APAF1: variants seen among roughly 807,000 people sequenced by gnomAD.
APAF1 encodes apoptotic peptidase activating factor 1, also known as apoptotic protease-activating factor 1.
A neutral mutation model predicts 152.4 loss-of-function variants in APAF1; 91 were observed. The ratio of observed to expected loss-of-function variants is 0.60; its 90% CI spans 0.50 to 0.71. The LOEUF (loss-of-function observed/expected upper bound fraction) is 0.71, where lower values mean the gene tolerates loss of function less well. Among genes scored for constraint, APAF1 ranks in the 30% least tolerant of loss-of-function variants. The pLI is 0.00. For synonymous variants in APAF1, 484 were observed against 494.1 expected, an observed-to-expected ratio of 0.98 and a Z score of 0.27; for missense variants, 1,283 against 1,472.0, an observed-to-expected ratio of 0.87 and a Z score of 2.10.
chr12:98,723,561 C>G (rs935758942), intron 23 of APAF1, 78 bp from the exon 24 acceptor site: 2 of 1,359,200 alleles, frequency 1.5e-6, no homozygotes, highest in African/African-American at 3.0e-5. Context: ...ATAGACCTGT[C>G]TTGTAGCTGA....
chr12:98,685,361 G>T (rs2097696891), intron 15 of APAF1, among the ~76,000 whole-genome samples: 1 of 149,198 alleles, frequency 6.7e-6, no homozygotes, highest in African/African-American at 2.5e-5. Flanking sequence ...TTTTGAGATG[G>T]CATCTTGCTC....
intron 18 of APAF1, 93 bp from the exon 19 acceptor site, chr12:98,706,392 G>A: frequency 8.4e-7 from 1 of 1,186,166 alleles, no homozygotes; most frequent in South Asian, 1.2e-5. Context: ...CATTGAAGTG[G>A]TATTGCTGGC....
intron 21 of APAF1, among the ~76,000 whole-genome samples, chr12:98,713,436 A>G (rs558773342): frequency 3.3e-5 from 5 of 152,292 alleles, no homozygotes; most frequent in East Asian, 1.9e-4. Context: ...ATATGGGTGC[A>G]GGGCTGCCTG....
At chr12:98,659,565 A>T (rs567383655) in intron 5 of APAF1, among the ~76,000 whole-genome samples, 7 of 152,174 alleles carry the variant, frequency 4.6e-5, no homozygotes, top group Admixed American at 1.3e-4. Context: ...CAGCCTGACT[A>T]ACATGGTGAA....
At chr12:98,682,141 A>C (rs1284820422) in intron 14 of APAF1, among the ~76,000 whole-genome samples, 1 of 141,630 alleles carries the variant, frequency 7.1e-6, no homozygotes, top group East Asian at 2.1e-4. Context: ...GCAAGCTCCG[A>C]CTCCCGGGTT....
intron 22 of APAF1, among the ~76,000 whole-genome samples, chr12:98,719,648 G>A (rs1054951325): frequency 1.3e-5 from 2 of 151,878 alleles, no homozygotes; most frequent in South Asian, 4.1e-4. Context: ...CACCACGCCT[G>A]GCCACTTTTG....
At chr12:98,648,980 C>A in intron 3 of APAF1, 165 bp downstream of exon 3, 1 of 793,506 alleles carries the variant, frequency 1.3e-6, no homozygotes. Flanking sequence ...TTTGCATCCA[C>A]ATTAACTCTC....
At chr12:98,686,163 C>G (rs746732100) in intron 15 of APAF1, among the ~76,000 whole-genome samples, 33 of 152,246 alleles carry the variant, frequency 2.2e-4, no homozygotes, top group Non-Finnish European at 1.0e-4. Context: ...AGAATCCAAA[C>G]AAACTTTATG....
At chr12:98,662,177 A>G (rs1299975883) in intron 5 of APAF1, among the ~76,000 whole-genome samples, 1 of 148,378 alleles carries the variant, frequency 6.7e-6, no homozygotes, top group Non-Finnish European at 1.5e-5. Flanking sequence ...GCACTCAGTA[A>G]GTGATGGCTG....
At chr12:98,677,139 A>G (rs1306221346) in intron 12 of APAF1, among the ~76,000 whole-genome samples, 2 of 152,244 alleles carry the variant, frequency 1.3e-5, no homozygotes, top group East Asian at 3.9e-4. Context: ...TTGATTAACT[A>G]GATTTGATTA....
At chr12:98,669,107 A>G (rs2153319031) in intron 10 of APAF1, among the ~76,000 whole-genome samples, 1 of 152,306 alleles carries the variant, frequency 6.6e-6, no homozygotes. Flanking sequence ...GTATATTGGA[A>G]TGATGGTATT....
chr12:98,704,162 A>T (rs1358646662), intron 18 of APAF1, among the ~76,000 whole-genome samples: 2 of 151,570 alleles, frequency 1.3e-5, no homozygotes, highest in Non-Finnish European at 2.9e-5. Context: ...TGGGGGTCTC[A>T]CTGTGTTGCC....
intron 20 of APAF1, among the ~76,000 whole-genome samples, chr12:98,710,154 G>T (rs1043485647): frequency 1.3e-5 from 2 of 149,216 alleles, no homozygotes; most frequent in Non-Finnish European, 3.0e-5. Context: ...GATTATAGGT[G>T]TGAGCCACCG....
At chr12:98,661,361 G>A (rs891963987) in intron 5 of APAF1, among the ~76,000 whole-genome samples, 15 of 152,282 alleles carry the variant, frequency 9.9e-5, no homozygotes, top group Non-Finnish European at 1.9e-4. Context: ...ACTTTCAGAT[G>A]TGTCAGACTA....
chr12:98,708,449 T>G (rs1466772233), intron 19 of APAF1, 136 bp from the exon 20 acceptor site: 1 of 920,986 alleles, frequency 1.1e-6, no homozygotes, highest in Non-Finnish European at 1.6e-6. Context: ...TAAATATTTA[T>G]TTTTGGATTA....
intron 5 of APAF1, among the ~76,000 whole-genome samples, chr12:98,661,456 A>G (rs992487634): frequency 2.0e-5 from 3 of 151,914 alleles, no homozygotes; most frequent in African/African-American, 4.8e-5. Flanking sequence ...GTATGTGCCT[A>G]GAGTATTTCT....
chr12:98,727,431 C>T, intron 26 of APAF1, 115 bp downstream of exon 26: 1 of 1,212,874 alleles, frequency 8.2e-7, no homozygotes, highest in African/African-American at 1.5e-5. Flanking sequence ...AGTAAAAAGG[C>T]TGCTACTCCG....
At chr12:98,673,317 T>C (rs2097682602) in intron 12 of APAF1, among the ~76,000 whole-genome samples, 1 of 151,042 alleles carries the variant, frequency 6.6e-6, no homozygotes. Context: ...CCATCTTTAC[T>C]AAAAATACAA....
In APAF1 at chr12:98,652,812, G is replaced by A. The variant is rs1310605846; in HGVS notation, c.526+3128G>A. Among the ~76,000 whole-genome samples the A allele has an allele frequency of 5.3e-5, 8 of 152,048 alleles. No individual in the cohort carries two copies. In the East Asian group the frequency reaches 1.6e-3, roughly 29 times the overall value. On this transcript the variant is annotated intron_variant, in intron 4 of 26. Transcript: ENST00000551964. ...TGGCTAATTTTGTATTTTTAGTAGA[G>A]ACGGGGTTTCTCCATGTTGGTCAGG...
Sources: allele counts gnomAD v4.1 joint callset (sites outside exome capture counted in the v4.1 genomes callset), GRCh38; gene constraint gnomAD v4.1.1; transcripts MANE v1.5; gene names NCBI Gene and HGNC (gene_info 2026-07-23, HGNC 2026-07-21).